FRY: variants seen among roughly 807,000 people sequenced by gnomAD.
The protein encoded by FRY is FRY microtubule binding protein.
A neutral mutation model predicts 348.4 loss-of-function variants in FRY; 128 were observed. The ratio of observed to expected loss-of-function variants is 0.37; its 90% CI spans 0.32 to 0.43. FRY has a LOEUF of 0.43. FRY is among the 20% of genes least tolerant of loss of function. The pLI, the probability that FRY is intolerant of heterozygous loss-of-function variation, is 1.00. For synonymous variants in FRY, 1,370 were observed against 1,374.7 expected, an observed-to-expected ratio of 1.00 and a Z score of 0.08; for missense variants, 2,736 against 3,695.2, an observed-to-expected ratio of 0.74 and a Z score of 6.73.
intron 1 of FRY, among the ~76,000 whole-genome samples, chr13:32,032,480 G>A: frequency 6.6e-6 from 1 of 152,158 alleles, no homozygotes; most frequent in East Asian, 1.9e-4. Context: ...TAAAAATCCT[G>A]ATGTTTGCTA....
rs1188318017 is a variant in FRY at position 32,298,598 on chromosome 13, G to A, written c.*3138G>A. ...ACTTGTCTACGTTGGGTGATGATTA[G>A]TGCCATGAAGAACAAAACGGATACA... On this transcript the variant is annotated 3_prime_UTR_variant, in exon 61 of 61. Coordinates refer to ENST00000542859, the MANE Select transcript of FRY (RefSeq NM_023037.3). 1 of 152,214 alleles carries A rather than the reference G, an allele frequency of 6.6e-6. No individual in the cohort carries two copies. Among genetic ancestry groups the A allele is most frequent in the East Asian group, 1.9e-4 (1 of 5,196 alleles). The allele number at this position is 152,214 out of a possible 1,614,324, so 9.4% of individuals were successfully genotyped here. A position where few individuals can be genotyped will look rare whatever the true frequency, so the allele number is the denominator to read the frequency against.
At chr13:32,201,393 C>T (rs1192498053) in intron 29 of FRY, among the ~76,000 whole-genome samples, 1 of 152,338 alleles carries the variant, frequency 6.6e-6, no homozygotes, top group East Asian at 1.9e-4. Flanking sequence ...CAACAACACT[C>T]ATCAGAACTA....
chr13:32,065,619 TAGAG>T (rs1021624820), intron 1 of FRY, among the ~76,000 whole-genome samples: 1 of 135,150 alleles, frequency 7.4e-6, no homozygotes, highest in African/African-American at 2.8e-5. Context: ...AAAATTTTTT[TAGAG>T]AGAGTCTCAC....
At chr13:32,126,194 CAT>C (rs891995789) in intron 7 of FRY, among the ~76,000 whole-genome samples, 1 of 152,174 alleles carries the variant, frequency 6.6e-6, no homozygotes, top group African/African-American at 2.4e-5. Context: ...GAGGTATTAA[CAT>C]GTATACTTGC....
chr13:32,149,862 A>T (rs752403243), intron 14 of FRY, 28 bp downstream of exon 14: 1 of 1,337,616 alleles, frequency 7.5e-7, no homozygotes, highest in Non-Finnish European at 1.1e-6. Flanking sequence ...ATGTACTTCT[A>T]ACAGAGCATG....
At position 32,124,425 on chromosome 13, in the gene FRY, A is replaced by G. The variant is rs747669077; in HGVS notation, c.555+49A>G. On this transcript the variant is annotated intron_variant, in intron 5 of 60. Transcript: ENST00000542859. ...TTTTAGATAATATTTATTGATCTAAAAACTACTTAGGTTGTAAAAGTCTAA... is the reference window on the plus strand; with the variant it reads ...TTTTAGATAATATTTATTGATCTAAGAACTACTTAGGTTGTAAAAGTCTAA... 4 of 1,087,452 alleles carry G rather than the reference A, an allele frequency of 3.7e-6. No individual in the cohort carries two copies. The African/African-American group carries it at 6.3e-5, about 17-fold the overall frequency. 67.4% of individuals were successfully genotyped at this position (1,087,452 alleles called of 1,614,324 possible).
intron 53 of FRY, among the ~76,000 whole-genome samples, chr13:32,265,135 T>C (rs1383531461): frequency 1.3e-5 from 2 of 152,220 alleles, no homozygotes; most frequent in Non-Finnish European, 2.9e-5. Context: ...ATGTGGAGGT[T>C]GGATTGGAGG....
chr13:32,264,395 T>C (rs575998232), intron 53 of FRY, among the ~76,000 whole-genome samples: 1 of 152,028 alleles, frequency 6.6e-6, no homozygotes, highest in African/African-American at 2.4e-5. Flanking sequence ...AAGTATAATA[T>C]ATATATTTTA....
chr13:32,263,301 T>A (rs1413231064), intron 53 of FRY, among the ~76,000 whole-genome samples: 1 of 152,240 alleles, frequency 6.6e-6, no homozygotes, highest in East Asian at 1.9e-4. Flanking sequence ...CCTTCTGACA[T>A]TTCTAATGGA....
chr13:32,116,656 A>G (rs1878320266), intron 3 of FRY, among the ~76,000 whole-genome samples: 1 of 152,154 alleles, frequency 6.6e-6, no homozygotes, highest in Non-Finnish European at 1.5e-5. Flanking sequence ...GTAATGAGAT[A>G]TGGATTGAAG....
At chr13:32,086,007 C>A (rs1258072640) in intron 2 of FRY, 1 of 518,666 alleles carries the variant, frequency 1.9e-6, no homozygotes, top group Non-Finnish European at 3.8e-6. Context: ...GAGTCCTACC[C>A]AGGTGTGAAT....
intron 46 of FRY, among the ~76,000 whole-genome samples, chr13:32,241,003 C>A (rs1202051243): frequency 6.6e-6 from 1 of 152,168 alleles, no homozygotes; most frequent in African/African-American, 2.4e-5. Flanking sequence ...AGACTGTCAG[C>A]AGCCCAGGAT....
chr13:32,184,518 C>T, intron 24 of FRY, 82 bp from the exon 25 acceptor site: 1 of 820,312 alleles, frequency 1.2e-6, no homozygotes, highest in Non-Finnish European at 2.1e-6. Flanking sequence ...CTAGATTATG[C>T]CTTTTGTTAA....
intron 32 of FRY, 33 bp from the exon 33 acceptor site, chr13:32,209,552 A>G (rs1443260596): frequency 6.2e-7 from 1 of 1,611,694 alleles, no homozygotes; most frequent in Non-Finnish European, 8.5e-7. Flanking sequence ...CAGTTTTCAC[A>G]CATCTCTTGG....
At chr13:32,130,962 C>T (rs1019776146) in intron 7 of FRY, among the ~76,000 whole-genome samples, 2 of 151,916 alleles carry the variant, frequency 1.3e-5, no homozygotes, top group Non-Finnish European at 1.5e-5. Flanking sequence ...ATTACAGGTG[C>T]GTGCCACCAC....
At chr13:32,157,880 G>A (rs913392888) in intron 16 of FRY, among the ~76,000 whole-genome samples, 1 of 152,210 alleles carries the variant, frequency 6.6e-6, no homozygotes, top group Non-Finnish European at 1.5e-5. Context: ...TTCAAAATCT[G>A]AAGATCTAGA....
chr13:32,139,367 A>C (rs1175377782), intron 11 of FRY, among the ~76,000 whole-genome samples: 1 of 152,132 alleles, frequency 6.6e-6, no homozygotes, highest in Non-Finnish European at 1.5e-5. Flanking sequence ...ACCCCTCCCC[A>C]GCCACAGATG....
chr13:32,140,984 G>A (rs1342462315), intron 11 of FRY, among the ~76,000 whole-genome samples: 1 of 151,958 alleles, frequency 6.6e-6, no homozygotes, highest in African/African-American at 2.4e-5. Context: ...AAATTTAAAT[G>A]GTATAGTATA....
rs756269372 is a variant in FRY at position 32,231,243 on chromosome 13, G to A, written c.5470G>A (p.Glu1824Lys). The A allele has an allele frequency of 2.5e-6, 4 of 1,612,518 alleles. No individual in the cohort carries two copies. The African/African-American group carries it at 5.3e-5, about 22-fold the overall frequency. Residue 1824 changes from glutamate (E) to lysine (K), a missense_variant, in exon 41 of 61, where the codon GAA becomes AAA. Coordinates refer to ENST00000542859, the MANE Select transcript of FRY (RefSeq NM_023037.3). ...TPKNQNSKSA[E>K]QLTNFLRHVV... Reference sequence around the variant, plus strand: ...TAAAAATCAAAATTCAAAGAGTGCTGAACAGCTCACTAATTTTCTACGTCA... The same window carrying A: ...TAAAAATCAAAATTCAAAGAGTGCTAAACAGCTCACTAATTTTCTACGTCA...
Sources: gnomAD v4.1 joint callset for allele counts (sites outside exome capture counted in the v4.1 genomes callset) on GRCh38, gnomAD v4.1.1 for gene constraint, MANE v1.5 for transcripts, NCBI Gene and HGNC (gene_info 2026-07-23, HGNC 2026-07-21) for gene names.